NCBP3: variants seen among roughly 807,000 people sequenced by gnomAD.
NCBP3 encodes nuclear cap binding subunit 3.
In NCBP3, 20 loss-of-function variants were observed where a neutral mutation model predicts 75.7. The ratio of observed to expected loss-of-function variants is 0.26; its 90% CI spans 0.19 to 0.38. The LOEUF (loss-of-function observed/expected upper bound fraction) is 0.38, where lower values mean the gene tolerates loss of function less well. Among genes scored for constraint, NCBP3 ranks in the 10% least tolerant of loss-of-function variants. The pLI is 1.00. For synonymous variants in NCBP3, 293 were observed against 290.5 expected, an observed-to-expected ratio of 1.01 and a Z score of -0.09; for missense variants, 678 against 796.9, an observed-to-expected ratio of 0.85 and a Z score of 1.80.
chr17:3,825,685 C>G (rs933726871), intron 6 of NCBP3, 82 bp downstream of exon 6: 2 of 1,015,230 alleles, frequency 2.0e-6, no homozygotes, highest in African/African-American at 3.2e-5. Context: ...AAAAACGTAA[C>G]TAAGTCTTTA....
At chr17:3,837,792 C>A (rs1004001912) in intron 3 of NCBP3, among the ~76,000 whole-genome samples, 1 of 151,416 alleles carries the variant, frequency 6.6e-6, no homozygotes, top group African/African-American at 2.4e-5. Context: ...TATCCAACTC[C>A]AACTAATATA....
At chr17:3,824,767 A>G (rs2053752958) in intron 7 of NCBP3, 175 bp downstream of exon 7, 1 of 386,094 alleles carries the variant, frequency 2.6e-6, no homozygotes, top group African/African-American at 2.1e-5. Flanking sequence ...ATTCACTTTT[A>G]AAGTCAGAAA....
chr17:3,805,813 C>T lies in NCBP3; in HGVS notation c.*7231G>A, dbSNP rs535148507. ...AGCACTAGAAGGAAACTGGAGCTCA[C>T]CCCAGTTGAGCCCTCCATTTGACAG... On this transcript the variant is annotated 3_prime_UTR_variant, in exon 13 of 13. Coordinates refer to ENST00000389005, the MANE Select transcript of NCBP3 (RefSeq NM_001114118.3). 2 of 152,308 alleles carry T rather than the reference C, an allele frequency of 1.3e-5. No individual in the cohort carries two copies. The highest frequency in any genetic ancestry group is 6.5e-5 in the Admixed American group (1 of 15,282). 9.4% of individuals were successfully genotyped at this position (152,308 alleles called of 1,614,324 possible). A position where few individuals can be genotyped will look rare whatever the true frequency, so the allele number is the denominator to read the frequency against.
chr17:3,802,635 G>A lies in NCBP3; in HGVS notation c.*10409C>T, dbSNP rs931777873. 1 of 152,300 alleles carries A rather than the reference G, an allele frequency of 6.6e-6. No individual in the cohort carries two copies. The highest frequency in any genetic ancestry group is 1.5e-5 in the Non-Finnish European group (1 of 68,144). The allele number at this position is 152,300 out of a possible 1,614,324, so 9.4% of individuals were successfully genotyped here. On this transcript the variant is annotated 3_prime_UTR_variant, in exon 13 of 13. Transcript: ENST00000389005. ...TACAGCCTGTCTTCCCAGCGCTCCAGGGCTCGTGACCCTCCTCCTCCCCTC... is the reference window on the plus strand; with the variant it reads ...TACAGCCTGTCTTCCCAGCGCTCCAAGGCTCGTGACCCTCCTCCTCCCCTC...
chr17:3,816,163 T>G lies in NCBP3; in HGVS notation c.1418A>C (p.Lys473Thr). 6.2e-7 allele frequency: 1 copy of G among 1,614,172 alleles called. No homozygotes were observed. The highest frequency in any genetic ancestry group is 8.5e-7 in the Non-Finnish European group (1 of 1,180,028). The change falls in exon 11 of 13, where the codon AAA (lysine) becomes ACA (threonine). Residue 473 changes from lysine to threonine, a missense_variant. Transcript: ENST00000389005. ...FADVRHLLDE[K>T]RQHSRPRPPV... is the part of the protein sequence containing the mutation. ...TGGCCGTGGACGGGAGTGCTGACGT[T>G]TCTCATCTAATAGATGTCGGACATC... is the stretch of plus-strand genomic sequence containing the variant.
chr17:3,821,391 A>T, intron 8 of NCBP3, 39 bp from the exon 9 acceptor site: 1 of 1,480,652 alleles, frequency 6.8e-7, no homozygotes, highest in Non-Finnish European at 9.4e-7. Flanking sequence ...TCAAAAACTG[A>T]TAGGAAGGAC....
At position 3,821,260 on chromosome 17, in the gene NCBP3, T is replaced by C; in HGVS notation, c.989A>G (p.His330Arg). 6.2e-7 allele frequency: 1 copy of C among 1,613,148 alleles called. No homozygotes were observed. Among genetic ancestry groups the C allele is most frequent in the Non-Finnish European group, 8.5e-7 (1 of 1,179,140 alleles). ...GAGCAGGCAACTACCAGAATGTCGATGTTTATACGACGTCAAGCCAACGTC... is the reference window on the plus strand; with the variant it reads ...GAGCAGGCAACTACCAGAATGTCGACGTTTATACGACGTCAAGCCAACGTC... ...GDDVGLTSYK[H>R]RHSGLVNVPE... is the part of the protein sequence containing the mutation. Residue 330 changes from histidine to arginine, a missense_variant, in exon 9 of 13, where the codon CAT becomes CGT. This residue lies in a region of NCBP3 where 365 missense variants were observed against 392.7 expected (regional missense o/e 0.93). Coordinates refer to ENST00000389005, the MANE Select transcript of NCBP3 (RefSeq NM_001114118.3).
intron 3 of NCBP3, among the ~76,000 whole-genome samples, chr17:3,829,741 C>T (rs552860104): frequency 1.3e-5 from 2 of 152,128 alleles, no homozygotes; most frequent in Non-Finnish European, 2.9e-5. Flanking sequence ...TAAAGAGAAA[C>T]GCGCAGTAGT....
rs1793804901 is a variant in NCBP3, at chr17:3,812,282, TAC to T, written c.*760_*761del. Reference sequence around the variant, plus strand: ...CAAATCATTCATGTTTTAAACATAATACAGACTTAAAAATTCTTCAACATTGA... The same window carrying T: ...CAAATCATTCATGTTTTAAACATAATAGACTTAAAAATTCTTCAACATTGA... On this transcript the variant is annotated 3_prime_UTR_variant, in exon 13 of 13. Transcript: ENST00000389005. The T allele has an allele frequency of 6.5e-6, 1 of 153,484 alleles. No individual in the cohort carries two copies. The highest frequency in any genetic ancestry group is 6.5e-5 in the Admixed American group (1 of 15,274). The allele number at this position is 153,484 out of a possible 1,614,324, so 9.5% of individuals were successfully genotyped here.
rs2053291239 is a variant in NCBP3 at position 3,802,987 on chromosome 17, T to C, written c.*10057A>G. 1.3e-5 allele frequency: 2 copies of C among 152,236 alleles called. No individual in the cohort carries two copies. Among genetic ancestry groups the C allele is most frequent in the African/African-American group, 2.4e-5 (1 of 41,454 alleles). The allele number at this position is 152,236 out of a possible 1,614,324, so 9.4% of individuals were successfully genotyped here. A position where few individuals can be genotyped will look rare whatever the true frequency, so the allele number is the denominator to read the frequency against. ...GTATTTATCCAAGCGTCAGTGCCTC[T>C]AGTCATGAGACACACAGGGGTCCGT... On this transcript the variant is annotated 3_prime_UTR_variant, in exon 13 of 13. Transcript: ENST00000389005.
intron 2 of NCBP3, among the ~76,000 whole-genome samples, chr17:3,842,188 G>A (rs534290496): frequency 7.9e-5 from 12 of 152,328 alleles, no homozygotes; most frequent in African/African-American, 2.9e-4. Flanking sequence ...ACTTCGGGAG[G>A]CTGAGGCAGG....
At chr17:3,839,376 C>G (rs913752857) in intron 3 of NCBP3, among the ~76,000 whole-genome samples, 7 of 152,158 alleles carry the variant, frequency 4.6e-5, no homozygotes, top group African/African-American at 1.4e-4. Flanking sequence ...AAGACAGAGT[C>G]TCGCTCTGTC....
chr17:3,815,506 C>G (rs527691727), intron 11 of NCBP3, among the ~76,000 whole-genome samples: 95 of 152,296 alleles, frequency 6.2e-4, no homozygotes, highest in African/African-American at 2.1e-3. Context: ...CTTAACTGTT[C>G]AGACAACCAC....
intron 3 of NCBP3, among the ~76,000 whole-genome samples, chr17:3,836,654 CAAAAAA>C (rs56253811): frequency 1.3e-4 from 12 of 90,284 alleles, no homozygotes; most frequent in Non-Finnish European, 2.2e-4. Context: ...CTCCGTCTCT[CAAAAAA>C]AAAAAAAAAA....
In NCBP3 at chr17:3,828,107, C is replaced by T. The variant is rs8074497; in HGVS notation, c.481+1136G>A. 4.0e-3 allele frequency among the ~76,000 whole-genome samples: 615 copies of T among 152,180 alleles called. 3 individuals carry two copies. The highest frequency in any genetic ancestry group is 0.014 in the African/African-American group (566 of 41,522). Reference sequence around the variant, plus strand: ...CTAATTTTTGTATTTTTAGTAGAGACGGGGTTTTGCCACGTTGGCCAGGCT... The same window carrying T: ...CTAATTTTTGTATTTTTAGTAGAGATGGGGTTTTGCCACGTTGGCCAGGCT... On this transcript the variant is annotated intron_variant, in intron 4 of 12. Transcript: ENST00000389005.
chr17:3,833,207 C>G (rs950164963), intron 3 of NCBP3, among the ~76,000 whole-genome samples: 1 of 152,138 alleles, frequency 6.6e-6, no homozygotes, highest in African/African-American at 2.4e-5. Context: ...GAGCCATGAT[C>G]ACACAACTGC....
Position 3,813,037 on chromosome 17 carries a change from A to G in NCBP3, c.*7T>C, listed in dbSNP as rs2053450524. 1 of 1,614,126 alleles carries G rather than the reference A, an allele frequency of 6.2e-7. No homozygotes were observed. The highest frequency in any genetic ancestry group is 8.5e-7 in the Non-Finnish European group (1 of 1,179,986). On this transcript the variant is annotated 3_prime_UTR_variant, in exon 13 of 13. Coordinates refer to ENST00000389005, the MANE Select transcript of NCBP3 (RefSeq NM_001114118.3). ...CTTTAGGGCAGCTGCCATAGGCCCC[A>G]GGGGCATCAGGACTCTGCCTCTGAA...
In NCBP3 at chr17:3,817,966, T is replaced by TACACACACAC. The variant is rs61462832; in HGVS notation, c.1310+287_1310+296dup. Reference sequence around the variant, plus strand: ...ATATCTACAGCTTTTCCCTGTGCCATACACACACACACACACACACACACA... The same window carrying TACACACACAC: ...ATATCTACAGCTTTTCCCTGTGCCATACACACACACACACACACACACACACACACACACA... On this transcript the variant is annotated intron_variant, in intron 10 of 12. Transcript: ENST00000389005. 4.3e-3 allele frequency among the ~76,000 whole-genome samples: 638 copies of TACACACACAC among 149,028 alleles called. 6 individuals are homozygous for TACACACACAC. Among genetic ancestry groups the TACACACACAC allele is most frequent in the African/African-American group, 0.011 (464 of 40,916 alleles).
At chr17:3,840,710 T>C (rs2054049033) in intron 2 of NCBP3, among the ~76,000 whole-genome samples, 1 of 152,108 alleles carries the variant, frequency 6.6e-6, no homozygotes, top group African/African-American at 2.4e-5. Context: ...GTCTGAGCAA[T>C]GGTAATCACA....
Sources: gnomAD v4.1 joint callset for allele counts (sites outside exome capture counted in the v4.1 genomes callset) on GRCh38, gnomAD v4.1.1 for gene constraint, gnomAD v4.1.1 regional missense constraint, MANE v1.5 for transcripts, NCBI Gene and HGNC (gene_info 2026-07-23, HGNC 2026-07-21) for gene names.